SEMA5A: variants seen among roughly 807,000 people sequenced by gnomAD.
The protein encoded by SEMA5A is semaphorin-5A.
Under a neutral mutation model 135.5 loss-of-function variants are expected in SEMA5A, and 55 were observed. The ratio of observed to expected loss-of-function variants is 0.41; its 90% CI spans 0.33 to 0.51. SEMA5A has a LOEUF of 0.51. SEMA5A is among the 20% of genes least tolerant of loss of function. SEMA5A has a pLI of 0.37. For missense variants in SEMA5A, 1,290 were observed against 1,419.9 expected (o/e 0.91, Z 1.47); for synonymous variants, 580 against 546.5 (o/e 1.06, Z -0.85).
At chr5:9,465,375 T>C (rs1387718092) in intron 1 of SEMA5A, among the ~76,000 whole-genome samples, 2 of 152,210 alleles carry the variant, frequency 1.3e-5, no homozygotes, top group Non-Finnish European at 2.9e-5. Context: ...TTGGGAGAAA[T>C]TTATGCATCA....
At chr5:9,397,979 G>C (rs1477435926) in intron 2 of SEMA5A, among the ~76,000 whole-genome samples, 1 of 152,152 alleles carries the variant, frequency 6.6e-6, no homozygotes, top group Non-Finnish European at 1.5e-5. Context: ...CCTGGAGCTT[G>C]GCATGTGAGT....
At chr5:9,226,390 C>T (rs1429882882) in intron 7 of SEMA5A, among the ~76,000 whole-genome samples, 2 of 152,104 alleles carry the variant, frequency 1.3e-5, no homozygotes, top group Non-Finnish European at 2.9e-5. Flanking sequence ...TCAGTTATAA[C>T]TGGACTTTGC....
chr5:9,119,848 G>A (rs1740713777), intron 14 of SEMA5A, among the ~76,000 whole-genome samples: 1 of 152,004 alleles, frequency 6.6e-6, no homozygotes, highest in Admixed American at 6.5e-5. Context: ...AGTGCAAATT[G>A]CATATAACTA....
chr5:9,231,764 T>C (rs970901504), intron 6 of SEMA5A, among the ~76,000 whole-genome samples: 3 of 152,216 alleles, frequency 2.0e-5, no homozygotes, highest in African/African-American at 7.2e-5. Flanking sequence ...ATTTTCCTTT[T>C]GTCATCTAAG....
chr5:9,354,151 C>G (rs375868491), intron 3 of SEMA5A, among the ~76,000 whole-genome samples: 110 of 152,232 alleles, frequency 7.2e-4, no homozygotes, highest in African/African-American at 2.5e-3. Flanking sequence ...AAATGTCCTT[C>G]CATTGGCTTT....
At chr5:9,341,958 C>A (rs1753673180) in intron 3 of SEMA5A, among the ~76,000 whole-genome samples, 1 of 151,186 alleles carries the variant, frequency 6.6e-6, no homozygotes, top group Non-Finnish European at 1.5e-5. Flanking sequence ...TTTTAATAAT[C>A]CAGTCTTACA....
intron 11 of SEMA5A, among the ~76,000 whole-genome samples, chr5:9,178,045 G>A (rs1489209967): frequency 1.3e-5 from 2 of 152,078 alleles, no homozygotes; most frequent in Non-Finnish European, 2.9e-5. Context: ...CAAAATTGAT[G>A]TCTCATGGTG....
intron 2 of SEMA5A, among the ~76,000 whole-genome samples, chr5:9,414,506 C>CCATCTAA (rs1757217445): frequency 6.6e-6 from 1 of 152,174 alleles, no homozygotes; most frequent in Non-Finnish European, 1.5e-5. Context: ...GAAATAGGTT[C>CCATCTAA]ACTTTCAAAC....
chr5:9,398,133 A>G lies in SEMA5A; in HGVS notation c.-77-18110T>C, dbSNP rs1259476205. On this transcript the variant is annotated intron_variant, in intron 2 of 22. Coordinates refer to ENST00000382496, the MANE Select transcript of SEMA5A (RefSeq NM_003966.3). ...TCCACAGTAGAAAACTTGAATTTAA[A>G]TTAGATTTTTTACATAAGCAGCACA... is the stretch of plus-strand genomic sequence containing the variant. Among the ~76,000 whole-genome samples, 8 of 152,212 alleles carry G rather than the reference A, an allele frequency of 5.3e-5. No individual in the cohort carries two copies. The South Asian group carries it at 1.2e-3, about 24-fold the overall frequency.
At chr5:9,335,604 T>G (rs1753353495) in intron 4 of SEMA5A, among the ~76,000 whole-genome samples, 1 of 152,088 alleles carries the variant, frequency 6.6e-6, no homozygotes, top group Non-Finnish European at 1.5e-5. Context: ...CTAATTGGGG[T>G]CACATTTGTA....
intron 1 of SEMA5A, among the ~76,000 whole-genome samples, chr5:9,484,853 T>C (rs927475780): frequency 6.6e-6 from 1 of 152,062 alleles, no homozygotes; most frequent in Non-Finnish European, 1.5e-5. Context: ...TCTCTCCTCC[T>C]CCACACCCTC....
intron 12 of SEMA5A, among the ~76,000 whole-genome samples, chr5:9,153,277 C>T (rs1015408909): frequency 6.6e-6 from 1 of 152,154 alleles, no homozygotes; most frequent in African/African-American, 2.4e-5. Context: ...TGCCTAAGAA[C>T]ATTTAAGATT....
intron 3 of SEMA5A, among the ~76,000 whole-genome samples, chr5:9,353,249 G>GGGAAGGGAA (rs1754266144): frequency 7.3e-6 from 1 of 137,496 alleles, no homozygotes; most frequent in African/African-American, 2.9e-5. Flanking sequence ...GGAAAGGGAA[G>GGGAAGGGAA]GGAAGGGAAG....
At chr5:9,276,352 A>T (rs1223124776) in intron 5 of SEMA5A, among the ~76,000 whole-genome samples, 1 of 152,230 alleles carries the variant, frequency 6.6e-6, no homozygotes, top group Admixed American at 6.5e-5. Context: ...CATGGATAGG[A>T]AGAATCAATA....
chr5:9,345,134 G>A (rs1478879194), intron 3 of SEMA5A, among the ~76,000 whole-genome samples: 1 of 152,044 alleles, frequency 6.6e-6, no homozygotes, highest in Non-Finnish European at 1.5e-5. Flanking sequence ...GAAAACATGA[G>A]GTAAACCCAC....
chr5:9,044,363 A>T lies in SEMA5A; in HGVS notation c.3105+10T>A. On this transcript the variant is annotated intron_variant, in intron 22 of 22. Coordinates refer to ENST00000382496, the MANE Select transcript of SEMA5A (RefSeq NM_003966.3). ...CCAGGCACTTAGCAGAAATATTAAA[A>T]TTCACTTACCTTGATGGCCTCCACC... The T allele has an allele frequency of 6.2e-7, 1 of 1,610,008 alleles. No individual in the cohort carries two copies. The highest frequency in any genetic ancestry group is 1.3e-5 in the African/African-American group (1 of 74,930).
chr5:9,322,701 G>T (rs540499852), intron 4 of SEMA5A, among the ~76,000 whole-genome samples: 4 of 152,034 alleles, frequency 2.6e-5, no homozygotes, highest in Admixed American at 6.6e-5. Context: ...GTCCAATACT[G>T]TAAGGTTTCA....
At chr5:9,399,689 G>A (rs1444641783) in intron 2 of SEMA5A, among the ~76,000 whole-genome samples, 1 of 152,142 alleles carries the variant, frequency 6.6e-6, no homozygotes, top group Non-Finnish European at 1.5e-5. Context: ...TTCTTGTGAT[G>A]ATGGTTCCAG....
intron 6 of SEMA5A, among the ~76,000 whole-genome samples, chr5:9,236,204 C>T (rs1747898920): frequency 6.6e-6 from 1 of 152,172 alleles, no homozygotes; most frequent in African/African-American, 2.4e-5. Context: ...TCAGGCATCA[C>T]ACAGAGCAAC....
Sources: allele counts gnomAD v4.1 joint callset (sites outside exome capture counted in the v4.1 genomes callset), GRCh38; gene constraint gnomAD v4.1.1; transcripts MANE v1.5; gene names NCBI Gene and HGNC (gene_info 2026-07-23, HGNC 2026-07-21).